WWOX: variants seen among roughly 807,000 people sequenced by gnomAD.
The protein encoded by WWOX is WW domain-containing oxidoreductase.
Under a neutral mutation model 46.2 loss-of-function variants are expected in WWOX, and 69 were observed. The observed-to-expected ratio is 1.49, with a 90% CI of 1.23 to 1.82. WWOX has a LOEUF of 1.82. WWOX is among the 40% of genes most tolerant of loss of function. The pLI, the probability that WWOX is intolerant of heterozygous loss-of-function variation, is 0.00. For synonymous variants in WWOX, 359 were observed against 202.6 expected, an observed-to-expected ratio of 1.77 and a Z score of -6.56; for missense variants, 919 against 542.6, an observed-to-expected ratio of 1.69 and a Z score of -6.89.
Position 78,379,223 on chromosome 16 carries a change from T to G in WWOX, c.517-7637T>G, listed in dbSNP as rs188038368. On this transcript the variant is annotated intron_variant, in intron 5 of 8. Transcript: ENST00000566780. ...CAAATTAGAGCTTTTTAAATGAGAT[T>G]CTGGAAATAAGTTTTTCCGTATGTG... 2.0e-5 allele frequency among the ~76,000 whole-genome samples: 3 copies of G among 152,334 alleles called. No individual in the cohort carries two copies. The East Asian group carries it at 5.8e-4, about 29-fold the overall frequency.
chr16:78,644,552 A>G lies in WWOX; in HGVS notation c.1056+211800A>G, dbSNP rs142008558. On this transcript the variant is annotated intron_variant, in intron 8 of 8. Coordinates refer to ENST00000566780, the MANE Select transcript of WWOX (RefSeq NM_016373.4). Reference sequence around the variant, plus strand: ...ACTCAGCTCACTGCAACCTCCGCCTACCAGGTTCAAATGATTTTCCTGCCT... The same window carrying G: ...ACTCAGCTCACTGCAACCTCCGCCTGCCAGGTTCAAATGATTTTCCTGCCT... Among the ~76,000 whole-genome samples, 958 of 151,956 alleles carry G rather than the reference A, an allele frequency of 6.3e-3. 9 individuals carry two copies. Among genetic ancestry groups the G allele is most frequent in the African/African-American group, 0.022 (906 of 41,434 alleles).
At chr16:78,686,211 A>T in intron 8 of WWOX, among the ~76,000 whole-genome samples, 1 of 152,200 alleles carries the variant, frequency 6.6e-6, no homozygotes, top group East Asian at 1.9e-4. Flanking sequence ...CACCAGCATC[A>T]CTCAGAAATC....
intron 8 of WWOX, among the ~76,000 whole-genome samples, chr16:78,581,327 G>A (rs1044064591): frequency 2.0e-5 from 3 of 152,124 alleles, no homozygotes; most frequent in Admixed American, 1.3e-4. Flanking sequence ...CTGAGAAAAT[G>A]GGTTAGCATA....
chr16:78,888,509 G>A (rs2044516347), intron 8 of WWOX, among the ~76,000 whole-genome samples: 1 of 152,154 alleles, frequency 6.6e-6, no homozygotes. Flanking sequence ...TAGGCAGAAA[G>A]CCTTTCTCAG....
chr16:78,872,338 C>T (rs1179532477), intron 8 of WWOX, among the ~76,000 whole-genome samples: 2 of 152,084 alleles, frequency 1.3e-5, no homozygotes, highest in Non-Finnish European at 2.9e-5. Context: ...ACACTTGTTG[C>T]AGACTGAGGA....
intron 8 of WWOX, among the ~76,000 whole-genome samples, chr16:78,609,851 G>C (rs1230088165): frequency 6.6e-6 from 1 of 152,168 alleles, no homozygotes; most frequent in East Asian, 1.9e-4. Flanking sequence ...CGTGTTTTTA[G>C]TTTCTGTCTA....
chr16:79,073,774 T>C (rs1237505845), intron 8 of WWOX, among the ~76,000 whole-genome samples: 3 of 152,204 alleles, frequency 2.0e-5, no homozygotes, highest in Non-Finnish European at 4.4e-5. Context: ...GTAGGGTTTA[T>C]AACTGATCCA....
chr16:78,429,207 G>A (rs575099385), intron 7 of WWOX, among the ~76,000 whole-genome samples: 1 of 152,316 alleles, frequency 6.6e-6, no homozygotes, highest in East Asian at 1.9e-4. Flanking sequence ...CTGGTATGGT[G>A]ATGACAGAGG....
intron 8 of WWOX, among the ~76,000 whole-genome samples, chr16:78,952,728 G>T (rs1323898759): frequency 6.6e-6 from 1 of 152,066 alleles, no homozygotes; most frequent in Non-Finnish European, 1.5e-5. Flanking sequence ...CCACCTGACA[G>T]TACGCTCCGT....
At chr16:79,084,496 C>T (rs1465731105) in intron 8 of WWOX, among the ~76,000 whole-genome samples, 1 of 152,184 alleles carries the variant, frequency 6.6e-6, no homozygotes, top group Non-Finnish European at 1.5e-5. Context: ...TCTCGGCTCA[C>T]TGCAACCTCT....
chr16:78,361,086 G>T (rs1567524311), intron 5 of WWOX, among the ~76,000 whole-genome samples: 1 of 152,168 alleles, frequency 6.6e-6, no homozygotes, highest in Non-Finnish European at 1.5e-5. Flanking sequence ...GCTTCCCAAA[G>T]TGCTGGGATT....
At chr16:78,459,149 G>T (rs937392289) in intron 8 of WWOX, among the ~76,000 whole-genome samples, 1 of 152,142 alleles carries the variant, frequency 6.6e-6, no homozygotes, top group Non-Finnish European at 1.5e-5. Flanking sequence ...TTCTCAGGTG[G>T]CCACAGTTTC....
chr16:78,524,387 CATTTATTT>C (rs932217035), intron 8 of WWOX, among the ~76,000 whole-genome samples: 11 of 95,168 alleles, frequency 1.2e-4, no homozygotes, highest in Non-Finnish European at 2.0e-4. Flanking sequence ...CTAGAGATTT[CATTTATTT>C]ATTTATTTAT....
At chr16:78,334,196 A>G (rs2080825063) in intron 5 of WWOX, among the ~76,000 whole-genome samples, 1 of 152,244 alleles carries the variant, frequency 6.6e-6, no homozygotes, top group Non-Finnish European at 1.5e-5. Context: ...AGAAAAATTA[A>G]GACAAATGAT....
chr16:78,467,057 G>A (rs768884198), intron 8 of WWOX, among the ~76,000 whole-genome samples: 1 of 152,100 alleles, frequency 6.6e-6, no homozygotes, highest in Non-Finnish European at 1.5e-5. Context: ...CTATTGATTA[G>A]TTATGTGTTT....
At chr16:78,676,773 T>A (rs556547895) in intron 8 of WWOX, among the ~76,000 whole-genome samples, 23 of 152,370 alleles carry the variant, frequency 1.5e-4, no homozygotes, top group African/African-American at 5.3e-4. Context: ...AAATAAATTG[T>A]TGAAGTGCTT....
chr16:78,500,823 G>C (rs3736450), intron 8 of WWOX, among the ~76,000 whole-genome samples: 3,778 of 152,286 alleles, frequency 0.025, 131 homozygotes, highest in African/African-American at 0.076. Context: ...CAGACCCAGA[G>C]AGCATGTACA....
intron 5 of WWOX, among the ~76,000 whole-genome samples, chr16:78,357,565 C>T (rs1375143640): frequency 3.3e-5 from 5 of 152,130 alleles, no homozygotes; most frequent in African/African-American, 4.8e-5. Flanking sequence ...TCAGAGAAAA[C>T]GTGGTCTGGG....
intron 5 of WWOX, among the ~76,000 whole-genome samples, chr16:78,284,004 A>G (rs1028805680): frequency 2.6e-5 from 4 of 152,240 alleles, no homozygotes; most frequent in East Asian, 3.8e-4. Flanking sequence ...CACAAATAAC[A>G]TTGAACATAT....
Sources: gnomAD v4.1 joint callset for allele counts (sites outside exome capture counted in the v4.1 genomes callset) on GRCh38, gnomAD v4.1.1 for gene constraint, MANE v1.5 for transcripts, NCBI Gene and HGNC (gene_info 2026-07-23, HGNC 2026-07-21) for gene names.